Variants in SUN3 observed in about 807,000 individuals in gnomAD.
SUN3 encodes Sad1 and UNC84 domain containing 3, also known as SUN domain-containing protein 3.
SUN3 carries 36 observed loss-of-function variants against 48.2 expected under a neutral mutation model. The ratio of observed to expected loss-of-function variants is 0.75; its 90% CI spans 0.57 to 0.99. The LOEUF is 0.99. Among genes scored for constraint, SUN3 ranks in the 50% least tolerant of loss-of-function variants. The pLI is 0.00. For synonymous variants in SUN3, 148 were observed against 147.9 expected (o/e 1.00, Z 0.00); for missense variants, 419 against 433.1 (o/e 0.97, Z 0.29).
intron 4 of SUN3, among the ~76,000 whole-genome samples, chr7:48,007,987 C>T (rs1464562796): frequency 6.6e-6 from 1 of 152,100 alleles, no homozygotes; most frequent in Non-Finnish European, 1.5e-5. Context: ...CCGCGCTCGG[C>T]TAATTTTTGT....
intron 1 of SUN3, among the ~76,000 whole-genome samples, 161 bp downstream of exon 1, chr7:48,028,656 G>A (rs1790202158): frequency 6.6e-6 from 1 of 152,088 alleles, no homozygotes; most frequent in Non-Finnish European, 1.5e-5. Flanking sequence ...GTGTAAGACT[G>A]TGATGAAGAG....
intron 2 of SUN3, among the ~76,000 whole-genome samples, chr7:48,020,641 T>C (rs1190267346): frequency 6.6e-6 from 1 of 152,182 alleles, no homozygotes; most frequent in African/African-American, 2.4e-5. Context: ...CATTTCTATA[T>C]ACAAACAGTG....
rs1243025714 is a variant in SUN3, at chr7:47,994,312, T to G, written c.861+3A>C. On this transcript the variant is annotated splice_donor_region_variant and intron_variant, in intron 8 of 9. Coordinates refer to ENST00000297325, the MANE Select transcript of SUN3 (RefSeq NM_001030019.2). The stretch of plus-strand genomic sequence containing the variant: ...TGAATGACAAATTTAGATAGCTTCT[T>G]ACATAGACAGAAAATTCCTTGGGTG... 1 of 1,613,164 alleles carries G rather than the reference T, an allele frequency of 6.2e-7. No homozygotes were observed. The highest frequency in any genetic ancestry group is 8.5e-7 in the Non-Finnish European group (1 of 1,179,806).
In SUN3 at chr7:47,994,329, C is replaced by T. The variant is rs369258450; in HGVS notation, c.847G>A (p.Glu283Lys). ...PSGNISSAPK[E>K]FSVYGITKKC... ...TAGCTTCTTACATAGACAGAAAATT[C>T]CTTGGGTGCACTGGAGATGTTTCCT... is the stretch of plus-strand genomic sequence containing the variant. The change falls in exon 8 of 10, where the codon GAA (glutamate) becomes AAA (lysine). Residue 283 changes from glutamate (E) to lysine (K), a missense_variant. Transcript: ENST00000297325. The T allele has an allele frequency of 6.2e-7, 1 of 1,612,966 alleles. No individual in the cohort carries two copies. The highest frequency in any genetic ancestry group is 8.5e-7 in the Non-Finnish European group (1 of 1,179,688).
chr7:48,006,170 T>C, intron 5 of SUN3, 117 bp from the exon 6 acceptor site: 1 of 666,322 alleles, frequency 1.5e-6, no homozygotes, highest in Non-Finnish European at 2.7e-6. Flanking sequence ...AGTGAGCCCC[T>C]ATCAGCTGCA....
At chr7:48,015,080 A>ATT (rs1789775079) in intron 3 of SUN3, among the ~76,000 whole-genome samples, 3 of 152,348 alleles carry the variant, frequency 2.0e-5, no homozygotes, top group Admixed American at 2.0e-4. Flanking sequence ...TCTGGGCGCC[A>ATT]TGGCCTAGCC....
At chr7:47,998,651 A>AT (rs1026961380) in intron 6 of SUN3, among the ~76,000 whole-genome samples, 16 of 150,880 alleles carry the variant, frequency 1.1e-4, no homozygotes, top group East Asian at 9.8e-4. Flanking sequence ...AATTTCGCTT[A>AT]TTTTTTTTTC....
chr7:48,016,919 G>C (rs1018586403), intron 3 of SUN3, among the ~76,000 whole-genome samples: 4 of 152,192 alleles, frequency 2.6e-5, no homozygotes, highest in Admixed American at 2.6e-4. Context: ...GAACATGTGA[G>C]ACAGAGAGAG....
At chr7:48,011,076 A>G (rs1789669778) in intron 3 of SUN3, among the ~76,000 whole-genome samples, 1 of 152,160 alleles carries the variant, frequency 6.6e-6, no homozygotes, top group African/African-American at 2.4e-5. Flanking sequence ...CATCTGAGTA[A>G]TCTAGGACGA....
At chr7:47,993,801 G>A (rs899830851) in intron 8 of SUN3, among the ~76,000 whole-genome samples, 6 of 152,146 alleles carry the variant, frequency 3.9e-5, no homozygotes, top group African/African-American at 1.4e-4. Flanking sequence ...CTTTAAATGG[G>A]TGAATTAATT....
chr7:48,010,937 G>A (rs1323541095), intron 3 of SUN3, among the ~76,000 whole-genome samples: 1 of 152,088 alleles, frequency 6.6e-6, no homozygotes, highest in Non-Finnish European at 1.5e-5. Flanking sequence ...GTGGCTCTGG[G>A]CATTCCTAGG....
intron 6 of SUN3, among the ~76,000 whole-genome samples, chr7:47,996,942 C>T (rs973574492): frequency 6.6e-6 from 1 of 151,938 alleles, no homozygotes; most frequent in Admixed American, 6.6e-5. Flanking sequence ...GCTGGGACTA[C>T]AGGCGCCCGC....
intron 3 of SUN3, among the ~76,000 whole-genome samples, chr7:48,013,323 G>A (rs1448110203): frequency 6.6e-6 from 1 of 152,112 alleles, no homozygotes; most frequent in Non-Finnish European, 1.5e-5. Context: ...TCATTTCGAG[G>A]ATAAAGTGTA....
At chr7:48,016,954 A>G (rs111523720) in intron 3 of SUN3, among the ~76,000 whole-genome samples, 6 of 152,274 alleles carry the variant, frequency 3.9e-5, no homozygotes, top group African/African-American at 1.4e-4. Context: ...TCATCCTTTT[A>G]TTAGGAGCCC....
intron 6 of SUN3, among the ~76,000 whole-genome samples, chr7:48,002,978 T>C (rs1789428092): frequency 6.6e-6 from 1 of 152,192 alleles, no homozygotes. Flanking sequence ...TAATACTGTG[T>C]TGAATAGGAG....
chr7:48,026,291 C>CAAAAAAAGA, intron 1 of SUN3, among the ~76,000 whole-genome samples: 1 of 149,574 alleles, frequency 6.7e-6, no homozygotes, highest in South Asian at 2.1e-4. Flanking sequence ...GAACTAGCTA[C>CAAAAAAAGA]AAAAAAAGAA....
At chr7:47,988,513 A>C (rs561778020) in intron 9 of SUN3, among the ~76,000 whole-genome samples, 1 of 152,364 alleles carries the variant, frequency 6.6e-6, no homozygotes, top group East Asian at 1.9e-4. Context: ...AGGGAATGGA[A>C]TAGTTAAGAA....
At chr7:48,006,438 A>G (rs1789527274) in intron 5 of SUN3, among the ~76,000 whole-genome samples, 1 of 152,186 alleles carries the variant, frequency 6.6e-6, no homozygotes, top group African/African-American at 2.4e-5. Flanking sequence ...TGAACATTCT[A>G]GAGTTATTTG....
At chr7:48,028,250 G>A (rs946110021) in intron 1 of SUN3, among the ~76,000 whole-genome samples, 1 of 151,658 alleles carries the variant, frequency 6.6e-6, no homozygotes, top group South Asian at 2.1e-4. Context: ...GCAGCACATG[G>A]GCAGGGCGTT....
Sources: gnomAD v4.1 joint callset for allele counts (sites outside exome capture counted in the v4.1 genomes callset) on GRCh38, gnomAD v4.1.1 for gene constraint, MANE v1.5 for transcripts, NCBI Gene and HGNC (gene_info 2026-07-23, HGNC 2026-07-21) for gene names.